The following CEP112 variants were observed in gnomAD, a reference collection of about 807,000 sequenced individuals.
The protein encoded by CEP112 is centrosomal protein of 112 kDa.
A neutral mutation model predicts 153.0 loss-of-function variants in CEP112; 127 were observed. The ratio of observed to expected loss-of-function variants is 0.83; its 90% confidence interval spans 0.72 to 0.96. The LOEUF is 0.96. Among genes scored for constraint, CEP112 ranks in the 40% least tolerant of loss-of-function variants. The pLI is 0.00. For missense variants in CEP112, 1,089 were observed against 1,101.2 expected (o/e 0.99, Z 0.16); for synonymous variants, 358 against 374.4 (o/e 0.96, Z 0.51).
intron 21 of CEP112, among the ~76,000 whole-genome samples, chr17:65,821,505 T>C (rs1476453776): frequency 1.6e-5 from 2 of 125,630 alleles, no homozygotes; most frequent in Non-Finnish European, 3.3e-5. Context: ...ATTATATATA[T>C]ATATATAATT....
intron 22 of CEP112, among the ~76,000 whole-genome samples, 171 bp from the exon 23 acceptor site, chr17:65,743,388 G>A (rs889421121): frequency 1.3e-5 from 2 of 152,042 alleles, no homozygotes; most frequent in Non-Finnish European, 2.9e-5. Flanking sequence ...CACAATAAAA[G>A]ACTTTAATAA....
At chr17:66,185,349 A>C (rs192436865) in intron 1 of CEP112, among the ~76,000 whole-genome samples, 4 of 152,170 alleles carry the variant, frequency 2.6e-5, no homozygotes, top group African/African-American at 9.6e-5. Context: ...CAGACTCCTG[A>C]GTAGCTGGGA....
At chr17:65,917,188 T>A (rs1362991513) in intron 19 of CEP112, among the ~76,000 whole-genome samples, 1 of 152,158 alleles carries the variant, frequency 6.6e-6, no homozygotes, top group African/African-American at 2.4e-5. Context: ...AAAGGAAGCA[T>A]CATTAGATCA....
intron 18 of CEP112, among the ~76,000 whole-genome samples, chr17:65,937,465 C>A (rs1368273866): frequency 9.3e-6 from 1 of 107,664 alleles, no homozygotes; most frequent in Non-Finnish European, 2.0e-5. Context: ...TCTGCCCGGC[C>A]GCCCCGTCTG....
intron 24 of CEP112, among the ~76,000 whole-genome samples, chr17:65,659,487 C>T (rs2046238834): frequency 6.6e-6 from 1 of 152,184 alleles, no homozygotes. Flanking sequence ...GCCGTTGTCC[C>T]ACCGGTGCAC....
chr17:66,013,909 G>A (rs1042958077), intron 16 of CEP112, among the ~76,000 whole-genome samples: 8 of 152,208 alleles, frequency 5.3e-5, no homozygotes, highest in Non-Finnish European at 1.0e-4. Flanking sequence ...TGGCTGGGGT[G>A]GGGCTGGCAA....
At chr17:65,697,254 C>T (rs181652550) in intron 23 of CEP112, among the ~76,000 whole-genome samples, 1 of 152,298 alleles carries the variant, frequency 6.6e-6, no homozygotes, top group Admixed American at 6.5e-5. Context: ...TGAGCTGTGA[C>T]TACAGTGAAG....
At chr17:65,882,047 T>C (rs2059097131) in intron 20 of CEP112, among the ~76,000 whole-genome samples, 1 of 152,208 alleles carries the variant, frequency 6.6e-6, no homozygotes, top group African/African-American at 2.4e-5. Context: ...TATATGGAAG[T>C]AAAATAATTT....
chr17:65,876,249 AC>A (rs2058820899), intron 20 of CEP112, among the ~76,000 whole-genome samples: 1 of 152,194 alleles, frequency 6.6e-6, no homozygotes. Flanking sequence ...CATCCATACA[AC>A]CTCCAAAGAA....
intron 23 of CEP112, among the ~76,000 whole-genome samples, chr17:65,731,380 T>C (rs1192856570): frequency 6.6e-6 from 1 of 152,178 alleles, no homozygotes; most frequent in African/African-American, 2.4e-5. Context: ...AAGAACAATG[T>C]ATATACCTTA....
intron 19 of CEP112, among the ~76,000 whole-genome samples, chr17:65,922,967 T>C (rs1011321842): frequency 6.6e-6 from 1 of 152,166 alleles, no homozygotes; most frequent in South Asian, 2.1e-4. Flanking sequence ...ACCTAGTTTC[T>C]GAAACCAGTT....
intron 21 of CEP112, among the ~76,000 whole-genome samples, chr17:65,778,334 C>A (rs1473466828): frequency 6.6e-6 from 1 of 152,128 alleles, no homozygotes; most frequent in African/African-American, 2.4e-5. Flanking sequence ...CACTTTTTTG[C>A]TTTGCAGTCT....
intron 19 of CEP112, among the ~76,000 whole-genome samples, chr17:65,911,567 C>G (rs768460509): frequency 2.6e-5 from 4 of 151,826 alleles, no homozygotes; most frequent in Non-Finnish European, 5.9e-5. Flanking sequence ...AGTGGCTCAC[C>G]CCTGTTATCT....
At chr17:65,787,593 G>A (rs988691187) in intron 21 of CEP112, among the ~76,000 whole-genome samples, 1 of 151,928 alleles carries the variant, frequency 6.6e-6, no homozygotes, top group Non-Finnish European at 1.5e-5. Flanking sequence ...AGATTTAGTG[G>A]GTATATTTCT....
At chr17:66,107,866 T>C (rs552714005) in intron 6 of CEP112, among the ~76,000 whole-genome samples, 122 of 152,130 alleles carry the variant, frequency 8.0e-4, no homozygotes, top group African/African-American at 2.5e-3. Flanking sequence ...AGAATAAAAC[T>C]GGAGTAATCA....
chr17:65,875,001 AC>A (rs989730472), intron 20 of CEP112, among the ~76,000 whole-genome samples: 49 of 152,190 alleles, frequency 3.2e-4, no homozygotes, highest in African/African-American at 1.2e-3. Context: ...AAATGTATAT[AC>A]CTTTGTTCCA....
At chr17:65,994,794 C>T (rs1307078725) in intron 17 of CEP112, among the ~76,000 whole-genome samples, 1 of 152,158 alleles carries the variant, frequency 6.6e-6, no homozygotes. Context: ...TTTCAACACT[C>T]CCTGTCAAGT....
intron 22 of CEP112, among the ~76,000 whole-genome samples, chr17:65,743,603 C>T (rs1258716679): frequency 6.6e-6 from 1 of 152,004 alleles, no homozygotes; most frequent in Admixed American, 6.6e-5. Context: ...CTGTAATAAC[C>T]AAAGAAAATA....
At chr17:65,692,767 C>G (rs2048172963) in intron 23 of CEP112, among the ~76,000 whole-genome samples, 1 of 152,144 alleles carries the variant, frequency 6.6e-6, no homozygotes, top group Non-Finnish European at 1.5e-5. Context: ...TGGCATGCAA[C>G]TGCAGCTCAG....
Sources: gnomAD v4.1 joint callset for allele counts (sites outside exome capture counted in the v4.1 genomes callset) on GRCh38, gnomAD v4.1.1 for gene constraint, MANE v1.5 for transcripts, NCBI Gene and HGNC (gene_info 2026-07-23, HGNC 2026-07-21) for gene names.